DHX37: variants seen among roughly 807,000 people sequenced by gnomAD.
The protein encoded by DHX37 is DEAH-box helicase 37.
In DHX37, 52 loss-of-function variants were observed where a neutral mutation model predicts 134.3. That is an observed-to-expected ratio of 0.39 (90% CI 0.31 to 0.49). DHX37 has a LOEUF of 0.49. Ranked by LOEUF, DHX37 falls within the 20% of genes least tolerant of loss-of-function variation. DHX37 has a pLI of 0.93. For missense variants in DHX37, 1,344 were observed against 1,580.8 expected, an observed-to-expected ratio of 0.85 and a Z score of 2.54; for synonymous variants, 634 against 670.7, an observed-to-expected ratio of 0.95 and a Z score of 0.85.
chr12:124,967,094 C>T, intron 11 of DHX37, 29 bp downstream of exon 11: 1 of 1,611,382 alleles, frequency 6.2e-7, no homozygotes, highest in South Asian at 1.1e-5. Context: ...CTGCTCAGGG[C>T]AGAGTGCTGG....
At chr12:124,972,921 A>G (rs953240104) in intron 6 of DHX37, among the ~76,000 whole-genome samples, 1 of 152,252 alleles carries the variant, frequency 6.6e-6, no homozygotes, top group African/African-American at 2.4e-5. Context: ...GAGACTTCAC[A>G]GACTTGGCAA....
chr12:124,962,971 G>A (rs76665846), intron 15 of DHX37, among the ~76,000 whole-genome samples: 8,585 of 152,302 alleles, frequency 0.056, 291 homozygotes, highest in Middle Eastern at 0.13. Context: ...TAAACCCAGA[G>A]TTACCATACG....
At position 124,960,465 on chromosome 12, in the gene DHX37, C is replaced by G. The variant is rs374662872; in HGVS notation, c.2046-42G>C. Reference sequence around the variant, plus strand: ...CGGGACAACAAACACAAAACTCACACCAAAAACCACAGATGAATACAGCCT... The same window carrying G: ...CGGGACAACAAACACAAAACTCACAGCAAAAACCACAGATGAATACAGCCT... On this transcript the variant is annotated intron_variant, in intron 15 of 26. Coordinates refer to ENST00000308736, the MANE Select transcript of DHX37 (RefSeq NM_032656.4). The G allele has an allele frequency of 3.8e-6, 6 of 1,599,692 alleles. No homozygotes were observed. In the African/African-American group the frequency reaches 8.1e-5, roughly 21 times the overall value.
intron 22 of DHX37, 61 bp downstream of exon 22, chr12:124,950,629 C>T (rs930383419): frequency 1.3e-6 from 2 of 1,586,014 alleles, no homozygotes; most frequent in East Asian, 2.2e-5. Context: ...CCCAGGGTCC[C>T]AGCCACACCC....
chr12:124,952,316 C>T, intron 21 of DHX37, 82 bp downstream of exon 21: 1 of 1,447,450 alleles, frequency 6.9e-7, no homozygotes. Context: ...GAACAAGCCT[C>T]CCCAGACCCT....
intron 3 of DHX37, 32 bp downstream of exon 3, chr12:124,982,479 G>C: frequency 6.2e-7 from 1 of 1,610,716 alleles, no homozygotes; most frequent in Non-Finnish European, 8.5e-7. Context: ...CCTGGAGGGA[G>C]GGCAGGGTTA....
At position 124,968,959 on chromosome 12, in the gene DHX37, G is replaced by A. The variant is rs1156456786; in HGVS notation, c.1201C>T (p.Pro401Ser). 6.2e-7 allele frequency: 1 copy of A among 1,613,714 alleles called. No homozygotes were observed. Among genetic ancestry groups the A allele is most frequent in the Non-Finnish European group, 8.5e-7 (1 of 1,179,900 alleles). Residue 401 changes from proline (P) to serine (S), a missense_variant, in exon 9 of 27, where the codon CCA becomes TCA. Transcript: ENST00000308736. ...GCCGACATGATGAGCAGCTTGAGTG[G>A]CAGGTTCCTCTGCAAAAGGACAGGC... ...IVTLRAKRNL[P>S]LKLLIMSATL...
At position 124,986,903 on chromosome 12, in the gene DHX37, G is replaced by A. The variant is rs371248493; in HGVS notation, c.107-638C>T. On this transcript the variant is annotated intron_variant, in intron 1 of 26. Transcript: ENST00000308736. The stretch of plus-strand genomic sequence containing the variant: ...TGGGATTACAGGCATGTACCACCAC[G>A]CCCCAGCTAATTTTTGTATTTTTAG... 1.5e-3 allele frequency among the ~76,000 whole-genome samples: 232 copies of A among 149,876 alleles called. 2 individuals carry two copies. Among genetic ancestry groups the A allele is most frequent in the African/African-American group, 5.5e-3 (219 of 40,172 alleles).
At chr12:124,963,837 G>A (rs1353942312) in intron 15 of DHX37, among the ~76,000 whole-genome samples, 2 of 135,804 alleles carry the variant, frequency 1.5e-5, no homozygotes, top group African/African-American at 5.8e-5. Context: ...CCAAGATCAC[G>A]CCACGGCACT....
At chr12:124,963,926 G>T in intron 15 of DHX37, among the ~76,000 whole-genome samples, 1 of 149,398 alleles carries the variant, frequency 6.7e-6, no homozygotes, top group African/African-American at 2.5e-5. Context: ...AGTAGGCCAG[G>T]CATGGTGGCT....
chr12:124,967,806 C>T (rs890410904), intron 10 of DHX37, among the ~76,000 whole-genome samples: 2 of 152,180 alleles, frequency 1.3e-5, no homozygotes, highest in Non-Finnish European at 2.9e-5. Context: ...CAGTGGCTCA[C>T]ACTTGTAATT....
At position 124,954,171 on chromosome 12, in the gene DHX37, T is replaced by G. The variant is rs139700161; in HGVS notation, c.2494A>C (p.Lys832Gln). 6.2e-7 allele frequency: 1 copy of G among 1,611,452 alleles called. No homozygotes were observed. The highest frequency in any genetic ancestry group is 8.5e-7 in the Non-Finnish European group (1 of 1,179,050). The change falls in exon 19 of 27, where the codon AAG becomes CAG. Residue 832 changes from lysine (K) to glutamine (Q), a missense_variant. Physicochemically the swap from Lys to Gln is moderately conservative, Grantham distance 53. Coordinates refer to ENST00000308736, the MANE Select transcript of DHX37 (RefSeq NM_032656.4). The stretch of plus-strand genomic sequence containing the variant: ...TTCATCTGGGCCACCCGGGCCCGCT[T>G]GCTCTTCAGCCTGGTGAGCTCCTCG... The part of the protein sequence containing the change: ...SDEELTRLKS[K>Q]RARVAQMKRT...
At chr12:124,960,466 CA>C in intron 15 of DHX37, 43 bp from the exon 16 acceptor site, 1 of 1,599,478 alleles carries the variant, frequency 6.3e-7, no homozygotes, top group Middle Eastern at 1.7e-4. Flanking sequence ...AAACTCACAC[CA>C]AAAACCACAG....
intron 4 of DHX37, among the ~76,000 whole-genome samples, chr12:124,979,269 T>G (rs1448609673): frequency 6.6e-6 from 1 of 152,072 alleles, no homozygotes; most frequent in East Asian, 1.9e-4. Context: ...TTTGGGAGGG[T>G]GAGGCAGGAG....
chr12:124,950,089 C>A, intron 24 of DHX37, 30 bp from the exon 25 acceptor site: 1 of 1,613,822 alleles, frequency 6.2e-7, no homozygotes, highest in Non-Finnish European at 8.5e-7. Flanking sequence ...AGGGGTGAGG[C>A]CCGGGCTGCT....
rs1954932120 is a variant in DHX37, at chr12:124,989,110, C to G, written c.-88G>C. 1.2e-5 allele frequency: 10 copies of G among 855,632 alleles called. No homozygotes were observed. Among genetic ancestry groups the G allele is most frequent in the Non-Finnish European group, 1.6e-5 (10 of 635,050 alleles). 53.0% of individuals were successfully genotyped at this position (855,632 alleles called of 1,614,324 possible). A position where few individuals can be genotyped will look rare whatever the true frequency, so the allele number is the denominator to read the frequency against. ...CACGTGGGTTCCCAGACCACCAACT[C>G]CGGCCGTGAGACTTCCGGGTTGTGT... On this transcript the variant is annotated 5_prime_UTR_variant, in exon 1 of 27. Transcript: ENST00000308736.
In DHX37 at chr12:124,968,417, C is replaced by T; in HGVS notation, c.1408+117G>A. On this transcript the variant is annotated intron_variant, in intron 10 of 26. Transcript: ENST00000308736. ...TCTGGAATAAGTGAGGAAGCCGAGG[C>T]CTGGCAGGGTCAAGGGACTTTTCTG... 2.0e-6 allele frequency: 3 copies of T among 1,508,726 alleles called. No homozygotes were observed. In the South Asian group the frequency reaches 3.8e-5, roughly 19 times the overall value. The allele number at this position is 1,508,726 out of a possible 1,614,324, so 93.5% of individuals were successfully genotyped here.
At chr12:124,956,456 A>G (rs12298562) in intron 18 of DHX37, among the ~76,000 whole-genome samples, 8,079 of 152,310 alleles carry the variant, frequency 0.053, 278 homozygotes, top group Middle Eastern at 0.13. Flanking sequence ...CACTAAACAT[A>G]CTTTCAACAT....
In DHX37 at chr12:124,957,118, G is replaced by A. The variant is rs1249729051; in HGVS notation, c.2175C>T (p.Phe725=). ...LNVEKVINFP[F]PTPPSVEALL... is the part of the protein sequence containing the mutation. ...GGGCTTCCACGGAGGGGGGCGTCGG[G>A]AAGGGGAAGTTGATGACCTGGGACA... The change falls in exon 17 of 27, where the codon TTC becomes TTT. Residue 725 remains phenylalanine, a synonymous_variant. Transcript: ENST00000308736. 14 of 1,498,550 alleles carry A rather than the reference G, an allele frequency of 9.3e-6. No homozygotes were observed. The highest frequency in any genetic ancestry group is 1.4e-5 in the African/African-American group (1 of 69,342). The allele number at this position is 1,498,550 out of a possible 1,614,324, so 92.8% of individuals were successfully genotyped here. A position where few individuals can be genotyped will look rare whatever the true frequency, so the allele number is the denominator to read the frequency against.
Sources: gnomAD v4.1 joint callset for allele counts (sites outside exome capture counted in the v4.1 genomes callset) on GRCh38, gnomAD v4.1.1 for gene constraint, MANE v1.5 for transcripts, NCBI Gene and HGNC (gene_info 2026-07-23, HGNC 2026-07-21) for gene names.